RIC1: variants seen among roughly 807,000 people sequenced by gnomAD.
RIC1 encodes the protein RIC1 partner of RAB6A GEF complex.
RIC1 carries 88 observed loss-of-function variants against 169.0 expected under a neutral mutation model. The ratio of observed to expected loss-of-function variants is 0.52; its 90% CI spans 0.44 to 0.62. RIC1 has a LOEUF of 0.62. Ranked by LOEUF, RIC1 falls within the 20% of genes least tolerant of loss-of-function variation. The pLI, the probability that RIC1 is intolerant of heterozygous loss-of-function variation, is 0.00. For missense variants in RIC1, 1,877 were observed against 1,725.5 expected (o/e 1.09, Z -1.56); for synonymous variants, 790 against 601.5 (o/e 1.31, Z -4.59).
rs117377021 is a variant in RIC1, at chr9:5,646,825, C to G, written c.145-9758C>G. On this transcript the variant is annotated intron_variant, in intron 1 of 25. Coordinates refer to ENST00000414202, the MANE Select transcript of RIC1 (RefSeq NM_020829.4). ...CATTTTCAATTTTGATGAAGTCTGT[C>G]TTACCTATTTTTTTTTGTTGCCTGT... Among the ~76,000 whole-genome samples, 290 of 152,218 alleles carry G rather than the reference C, an allele frequency of 1.9e-3. 1 individual carries two copies. In the East Asian group the frequency reaches 0.023, roughly 12 times the overall value.
intron 6 of RIC1, among the ~76,000 whole-genome samples, chr9:5,728,761 C>A (rs997670541): frequency 4.6e-5 from 7 of 152,322 alleles, no homozygotes; most frequent in Non-Finnish European, 1.0e-4. Context: ...TTTAACACAG[C>A]TGTTTTTTGG....
intron 1 of RIC1, among the ~76,000 whole-genome samples, chr9:5,651,549 G>C (rs1476283536): frequency 7.3e-6 from 1 of 137,274 alleles, no homozygotes; most frequent in Non-Finnish European, 1.6e-5. Flanking sequence ...TTACATTTAA[G>C]TCTTTAATCT....
At chr9:5,703,125 A>C (rs570837016) in intron 3 of RIC1, among the ~76,000 whole-genome samples, 10 of 152,308 alleles carry the variant, frequency 6.6e-5, no homozygotes, top group Non-Finnish European at 1.3e-4. Flanking sequence ...GCATTAACTC[A>C]AAAGTCCGAA....
chr9:5,704,508 T>G (rs1822438981), intron 3 of RIC1, among the ~76,000 whole-genome samples: 1 of 152,114 alleles, frequency 6.6e-6, no homozygotes, highest in Non-Finnish European at 1.5e-5. Flanking sequence ...CACCATGCCC[T>G]GCCTCTCCCT....
chr9:5,673,559 A>ATATATATATATATATATATATATATAT (rs1554663256), intron 2 of RIC1, among the ~76,000 whole-genome samples: 15 of 92,670 alleles, frequency 1.6e-4, no homozygotes, highest in African/African-American at 7.4e-4. Context: ...TATATATATA[A>ATATATATATATATATATATATATATAT]ATAAATGTTG....
chr9:5,640,470 T>C (rs1226458033), intron 1 of RIC1, among the ~76,000 whole-genome samples: 2 of 152,246 alleles, frequency 1.3e-5, no homozygotes, highest in Non-Finnish European at 2.9e-5. Context: ...CTTACTGTAC[T>C]ATGTCTTGAA....
chr9:5,641,669 A>G (rs1047236716), intron 1 of RIC1, among the ~76,000 whole-genome samples: 1 of 115,158 alleles, frequency 8.7e-6, no homozygotes, highest in Non-Finnish European at 1.7e-5. Context: ...CAAGCCCACT[A>G]ATTCTTTCTT....
intron 2 of RIC1, among the ~76,000 whole-genome samples, chr9:5,667,966 G>C (rs539065323): frequency 2.0e-5 from 3 of 152,160 alleles, no homozygotes; most frequent in Admixed American, 6.5e-5. Context: ...ATAAAGAACT[G>C]CCCAAGACTG....
At chr9:5,729,962 A>G (rs1563932634) in intron 6 of RIC1, among the ~76,000 whole-genome samples, 1 of 152,166 alleles carries the variant, frequency 6.6e-6, no homozygotes, top group Non-Finnish European at 1.5e-5. Flanking sequence ...TTTTCCAAGT[A>G]CTTTAGAGTT....
intron 4 of RIC1, among the ~76,000 whole-genome samples, 172 bp downstream of exon 4, chr9:5,714,175 C>G (rs1286535325): frequency 6.6e-6 from 1 of 152,132 alleles, no homozygotes; most frequent in Non-Finnish European, 1.5e-5. Flanking sequence ...ACAGATGGCA[C>G]TTAATACTTA....
At chr9:5,638,619 G>A (rs1467402060) in intron 1 of RIC1, among the ~76,000 whole-genome samples, 5 of 152,054 alleles carry the variant, frequency 3.3e-5, no homozygotes, top group Non-Finnish European at 7.4e-5. Flanking sequence ...CCAGTTTATT[G>A]GCATATAGTT....
At chr9:5,732,573 T>C (rs1198552694) in intron 7 of RIC1, 94 bp downstream of exon 7, 6 of 688,462 alleles carry the variant, frequency 8.7e-6, no homozygotes, top group East Asian at 2.7e-5. Flanking sequence ...AACATACTTA[T>C]AAACTGCATC....
At chr9:5,675,968 C>G (rs544151636) in intron 2 of RIC1, among the ~76,000 whole-genome samples, 8 of 152,240 alleles carry the variant, frequency 5.3e-5, no homozygotes, top group African/African-American at 1.9e-4. Context: ...TAATCTAACC[C>G]CCATCTTGCC....
chr9:5,755,478 A>G (rs1825952522), intron 15 of RIC1, among the ~76,000 whole-genome samples: 2 of 152,234 alleles, frequency 1.3e-5, no homozygotes, highest in South Asian at 4.1e-4. Flanking sequence ...GTCTCTCAGA[A>G]TATCTTAGTA....
intron 12 of RIC1, among the ~76,000 whole-genome samples, chr9:5,752,154 T>G (rs1424579881): frequency 6.6e-6 from 1 of 152,138 alleles, no homozygotes; most frequent in Admixed American, 6.5e-5. Flanking sequence ...TTGAAAGGTG[T>G]TGTTAGGGTG....
At chr9:5,630,477 C>G (rs756140180) in intron 1 of RIC1, among the ~76,000 whole-genome samples, 9 of 152,036 alleles carry the variant, frequency 5.9e-5, no homozygotes, top group Non-Finnish European at 1.2e-4. Context: ...TGTTAAAATC[C>G]CCAAATCTTT....
intron 3 of RIC1, among the ~76,000 whole-genome samples, chr9:5,694,308 C>A (rs1396746809): frequency 6.6e-6 from 1 of 152,070 alleles, no homozygotes; most frequent in Non-Finnish European, 1.5e-5. Context: ...ATATATGTTT[C>A]TTTTTGCTAA....
intron 2 of RIC1, among the ~76,000 whole-genome samples, chr9:5,684,881 T>C (rs1304126253): frequency 6.6e-6 from 1 of 152,220 alleles, no homozygotes; most frequent in Non-Finnish European, 1.5e-5. Flanking sequence ...GGAATGGATG[T>C]TGAATTTTGT....
chr9:5,774,123 T>C lies in RIC1; in HGVS notation c.4149T>C (p.His1383=). 6.2e-7 allele frequency: 1 copy of C among 1,613,976 alleles called. No homozygotes were observed. Among genetic ancestry groups the C allele is most frequent in the Non-Finnish European group, 8.5e-7 (1 of 1,179,960 alleles). ...AGGAGAGCAGGGGCTCCTCCAGCCA[T>C]GGAAGCATCCCCCAGGGTGAAGTTG... ...RAEESRGSSS[H]GSIPQGEVGS... The change falls in exon 26 of 26, where the codon CAT becomes CAC. Residue 1383 remains histidine (H), a synonymous_variant. Coordinates refer to ENST00000414202, the MANE Select transcript of RIC1 (RefSeq NM_020829.4).
Sources: allele counts gnomAD v4.1 joint callset (sites outside exome capture counted in the v4.1 genomes callset), GRCh38; gene constraint gnomAD v4.1.1; transcripts MANE v1.5; gene names NCBI Gene and HGNC (gene_info 2026-07-23, HGNC 2026-07-21).